The following PDZD2 variants were observed in gnomAD, a reference collection of about 807,000 sequenced individuals.
PDZD2 encodes PDZ domain-containing protein 2.
Under a neutral mutation model 220.7 loss-of-function variants are expected in PDZD2, and 90 were observed. The observed-to-expected ratio is 0.41, with a 90% CI of 0.34 to 0.49. PDZD2 has a LOEUF of 0.49. Ranked by LOEUF, PDZD2 falls within the 20% of genes least tolerant of loss-of-function variation. PDZD2 has a pLI of 0.28. For synonymous variants in PDZD2, 1,375 were observed against 1,450.5 expected (o/e 0.95, Z 1.18); for missense variants, 3,174 against 3,608.5 (o/e 0.88, Z 3.08).
intron 3 of PDZD2, among the ~76,000 whole-genome samples, chr5:31,986,278 G>A (rs1338704622): frequency 1.3e-5 from 2 of 152,008 alleles, no homozygotes; most frequent in African/African-American, 4.8e-5. Context: ...GGGGAGACTT[G>A]CCATCTGGAA....
rs558145787 is a variant in PDZD2, at chr5:31,942,737, G to A, written c.477-40418G>A. ...ATTCACATGGTTTGTTTTTGTTAGA[G>A]AAATGCCTCATGGTGTCGTGACTAC... is the stretch of plus-strand genomic sequence containing the variant. On this transcript the variant is annotated intron_variant, in intron 2 of 24. Transcript: ENST00000438447. 2.6e-5 allele frequency among the ~76,000 whole-genome samples: 4 copies of A among 152,344 alleles called. No individual in the cohort carries two copies. The South Asian group carries it at 6.2e-4, about 24-fold the overall frequency.
intron 1 of PDZD2, among the ~76,000 whole-genome samples, chr5:31,649,682 C>A (rs1745270367): frequency 6.6e-6 from 1 of 152,056 alleles, no homozygotes; most frequent in Non-Finnish European, 1.5e-5. Flanking sequence ...TGCCTGTAAT[C>A]CCAGCACTCT....
At chr5:32,040,249 C>T (rs1755949998) in intron 7 of PDZD2, among the ~76,000 whole-genome samples, 1 of 149,630 alleles carries the variant, frequency 6.7e-6, no homozygotes, top group Admixed American at 6.6e-5. Context: ...GCCCGGCTGC[C>T]CCGTCTGGGA....
At chr5:31,910,742 C>A (rs1241590809) in intron 2 of PDZD2, among the ~76,000 whole-genome samples, 4 of 151,656 alleles carry the variant, frequency 2.6e-5, no homozygotes, top group Non-Finnish European at 5.9e-5. Flanking sequence ...GTTGGCCAGG[C>A]TGGTCTCGAA....
intron 1 of PDZD2, among the ~76,000 whole-genome samples, chr5:31,662,454 T>C (rs1745804800): frequency 6.6e-6 from 1 of 152,146 alleles, no homozygotes; most frequent in Admixed American, 6.6e-5. Context: ...TTCCATAAAC[T>C]CAGTGGCTTA....
intron 1 of PDZD2, among the ~76,000 whole-genome samples, chr5:31,735,495 C>T (rs73056566): frequency 1.3e-5 from 2 of 152,254 alleles, no homozygotes; most frequent in African/African-American, 4.8e-5. Flanking sequence ...CATTTGTAAA[C>T]TCTGTATTTT....
intron 2 of PDZD2, among the ~76,000 whole-genome samples, chr5:31,828,037 T>G (rs1756335355): frequency 6.6e-6 from 1 of 152,222 alleles, no homozygotes; most frequent in Non-Finnish European, 1.5e-5. Flanking sequence ...GAACTTTACT[T>G]TGTTATATTG....
chr5:31,938,803 T>C (rs1172673550), intron 2 of PDZD2, among the ~76,000 whole-genome samples: 1 of 152,218 alleles, frequency 6.6e-6, no homozygotes, highest in African/African-American at 2.4e-5. Flanking sequence ...CATGCAGTGC[T>C]CCTCTACCCA....
At chr5:31,712,559 G>T (rs566336188) in intron 1 of PDZD2, among the ~76,000 whole-genome samples, 1 of 152,054 alleles carries the variant, frequency 6.6e-6, no homozygotes, top group Admixed American at 6.5e-5. Context: ...CTTGAGTGGG[G>T]TCACTAGATT....
At chr5:31,672,355 A>C (rs1161777879) in intron 1 of PDZD2, among the ~76,000 whole-genome samples, 1 of 151,958 alleles carries the variant, frequency 6.6e-6, no homozygotes, top group Middle Eastern at 3.2e-3. Flanking sequence ...AGCAATCTAC[A>C]CTCCAGTGGG....
intron 2 of PDZD2, among the ~76,000 whole-genome samples, chr5:31,861,496 ATTCT>A (rs1383707154): frequency 6.6e-6 from 1 of 152,172 alleles, no homozygotes; most frequent in Non-Finnish European, 1.5e-5. Context: ...AAGTAATTTT[ATTCT>A]TTCTTCCAAC....
chr5:31,773,564 C>T (rs1165533239), intron 1 of PDZD2, among the ~76,000 whole-genome samples: 6 of 151,888 alleles, frequency 4.0e-5, no homozygotes, highest in African/African-American at 7.3e-5. Flanking sequence ...GCAGGAGAAT[C>T]GCTTGAATCC....
At chr5:32,094,430 ATCT>A (rs1743452268) in intron 21 of PDZD2, among the ~76,000 whole-genome samples, 1 of 152,218 alleles carries the variant, frequency 6.6e-6, no homozygotes. Flanking sequence ...CACTGAAGTC[ATCT>A]AAGAATGCTG....
chr5:32,026,928 A>C (rs1347828131), intron 6 of PDZD2, among the ~76,000 whole-genome samples: 1 of 152,026 alleles, frequency 6.6e-6, no homozygotes, highest in African/African-American at 2.4e-5. Context: ...TTTGAGACAG[A>C]GTCTCGCTCT....
At chr5:32,058,674 CAAAAAAAAAA>C (rs35570128) in intron 12 of PDZD2, among the ~76,000 whole-genome samples, 6 of 92,250 alleles carry the variant, frequency 6.5e-5, no homozygotes, top group African/African-American at 2.2e-4. Flanking sequence ...AACTCCGTCT[CAAAAAAAAAA>C]AAAAAAAAAT....
At chr5:31,923,363 C>T (rs1744454524) in intron 2 of PDZD2, 9 of 1,158,782 alleles carry the variant, frequency 7.8e-6, no homozygotes, top group South Asian at 2.4e-5. Context: ...ACACGGCCAT[C>T]GCCATGGTGA....
At chr5:32,069,679 A>G (rs376189628) in intron 15 of PDZD2, 29 bp downstream of exon 15, 5 of 1,097,354 alleles carry the variant, frequency 4.6e-6, no homozygotes, top group African/African-American at 1.5e-5. Flanking sequence ...TTCATTCAAC[A>G]TTCAGAAGAG....
At chr5:31,870,614 G>A (rs998289795) in intron 2 of PDZD2, among the ~76,000 whole-genome samples, 2 of 152,104 alleles carry the variant, frequency 1.3e-5, no homozygotes, top group Admixed American at 6.6e-5. Context: ...TTGGCCAGGC[G>A]TGGTGGCTCA....
rs545215840 is a variant in PDZD2, at chr5:31,997,375, C to T, written c.1121+1657C>T. Among the ~76,000 whole-genome samples, 6 of 152,194 alleles carry T rather than the reference C, an allele frequency of 3.9e-5. No individual in the cohort carries two copies. In the East Asian group the frequency reaches 7.7e-4, roughly 20 times the overall value. ...ACAAACCAGCAAAGTCTTTTATGCT[C>T]ATCAGTTCTTTTATTACAGAATAGG... On this transcript the variant is annotated intron_variant, in intron 4 of 24. Coordinates refer to ENST00000438447, the MANE Select transcript of PDZD2 (RefSeq NM_178140.4).
Sources: gnomAD v4.1 joint callset for allele counts (sites outside exome capture counted in the v4.1 genomes callset) on GRCh38, gnomAD v4.1.1 for gene constraint, MANE v1.5 for transcripts, NCBI Gene and HGNC (gene_info 2026-07-23, HGNC 2026-07-21) for gene names.